The following MALRD1 variants were observed in gnomAD, a reference collection of about 807,000 sequenced individuals.
MALRD1 encodes MAM and LDL-receptor class A domain-containing protein 1.
MALRD1 carries 247 observed loss-of-function variants against 242.1 expected under a neutral mutation model. The ratio of observed to expected loss-of-function variants is 1.02; its 90% CI spans 0.92 to 1.13. The LOEUF (loss-of-function observed/expected upper bound fraction) is 1.13, where lower values mean the gene tolerates loss of function less well. Among genes scored for constraint, MALRD1 ranks in the 50% most tolerant of loss-of-function variants. The pLI, the probability that MALRD1 is intolerant of heterozygous loss-of-function variation, is 0.00. For missense variants in MALRD1, 2,989 were observed against 2,533.1 expected (o/e 1.18, Z -3.86); for synonymous variants, 995 against 866.6 (o/e 1.15, Z -2.60).
intron 18 of MALRD1, among the ~76,000 whole-genome samples, chr10:19,238,713 A>C (rs571468452): frequency 8.0e-5 from 12 of 149,452 alleles, no homozygotes; most frequent in African/African-American, 2.5e-4. Context: ...TTTCCTATGG[A>C]TATATACCCA....
At chr10:19,528,223 G>A (rs1370470545) in intron 31 of MALRD1, among the ~76,000 whole-genome samples, 3 of 152,190 alleles carry the variant, frequency 2.0e-5, no homozygotes, top group African/African-American at 7.2e-5. Flanking sequence ...AACAGTCCAA[G>A]TTGCTTTCAT....
intron 36 of MALRD1, among the ~76,000 whole-genome samples, chr10:19,630,172 A>C (rs1025243710): frequency 1.3e-5 from 2 of 152,162 alleles, no homozygotes; most frequent in Admixed American, 1.3e-4. Context: ...CATCAGGGAA[A>C]AGAAGGAGAT....
intron 25 of MALRD1, among the ~76,000 whole-genome samples, chr10:19,348,426 G>T (rs1179315698): frequency 6.6e-6 from 1 of 151,818 alleles, no homozygotes. Flanking sequence ...CTCCAAGAAT[G>T]AATATTAGAG....
chr10:19,393,734 C>T (rs555746253), intron 28 of MALRD1, among the ~76,000 whole-genome samples: 4 of 151,628 alleles, frequency 2.6e-5, no homozygotes, highest in Non-Finnish European at 2.9e-5. Flanking sequence ...GGATTACAGG[C>T]GTGAGCCACC....
rs140267219 is a variant in MALRD1 at position 19,134,435 on chromosome 10, T to A, written c.1203+487T>A. 7.0e-3 allele frequency among the ~76,000 whole-genome samples: 1,067 copies of A among 152,308 alleles called. 10 individuals carry two copies. Among genetic ancestry groups the A allele is most frequent in the African/African-American group, 0.024 (1,010 of 41,568 alleles). On this transcript the variant is annotated intron_variant, in intron 9 of 39. Coordinates refer to ENST00000454679, the MANE Select transcript of MALRD1 (RefSeq NM_001142308.3). ...AATTGATATTTTGTGTTGTATTAGGTTGGTGCAAATGTAATTGCAGCTTTT... is the reference window on the plus strand; with the variant it reads ...AATTGATATTTTGTGTTGTATTAGGATGGTGCAAATGTAATTGCAGCTTTT...
chr10:19,399,188 C>T (rs1407205096), intron 28 of MALRD1, among the ~76,000 whole-genome samples: 1 of 152,164 alleles, frequency 6.6e-6, no homozygotes, highest in Non-Finnish European at 1.5e-5. Flanking sequence ...GGTTCAACTG[C>T]TGTGCACACA....
intron 31 of MALRD1, among the ~76,000 whole-genome samples, chr10:19,530,402 T>TTATATAA (rs1834326228): frequency 1.5e-4 from 5 of 32,572 alleles, no homozygotes; most frequent in South Asian, 8.0e-4. Flanking sequence ...ATATAAATAT[T>TTATATAA]ATATATTTAT....
At chr10:19,122,595 A>T (rs901187848) in intron 5 of MALRD1, among the ~76,000 whole-genome samples, 1 of 152,106 alleles carries the variant, frequency 6.6e-6, no homozygotes, top group African/African-American at 2.4e-5. Flanking sequence ...GCCATTTGAC[A>T]TGAGAGTCAA....
intron 28 of MALRD1, among the ~76,000 whole-genome samples, chr10:19,423,326 T>C (rs1833783337): frequency 6.6e-6 from 1 of 152,056 alleles, no homozygotes; most frequent in South Asian, 2.1e-4. Flanking sequence ...TGAACAAATA[T>C]TATAATGATG....
At chr10:19,137,609 A>G (rs1298970893) in intron 10 of MALRD1, among the ~76,000 whole-genome samples, 2 of 75,818 alleles carry the variant, frequency 2.6e-5, no homozygotes, top group Non-Finnish European at 3.6e-5. Flanking sequence ...CTCCGTCTGA[A>G]AAAAAAAAAA....
At chr10:19,536,844 A>G (rs1409074828) in intron 32 of MALRD1, among the ~76,000 whole-genome samples, 1 of 152,204 alleles carries the variant, frequency 6.6e-6, no homozygotes, top group Non-Finnish European at 1.5e-5. Flanking sequence ...CATTTGTCAT[A>G]CAGCACTGGA....
At chr10:19,474,957 A>G (rs1181449849) in intron 29 of MALRD1, among the ~76,000 whole-genome samples, 2 of 152,198 alleles carry the variant, frequency 1.3e-5, no homozygotes, top group East Asian at 1.9e-4. Context: ...AAAATTTTGC[A>G]TTCATTAGTT....
intron 32 of MALRD1, among the ~76,000 whole-genome samples, chr10:19,563,267 T>G (rs1478104622): frequency 6.6e-6 from 1 of 152,228 alleles, no homozygotes; most frequent in African/African-American, 2.4e-5. Flanking sequence ...GCATTGTTGT[T>G]ATGTCCATCC....
chr10:19,150,444 G>A (rs984673310), intron 11 of MALRD1, among the ~76,000 whole-genome samples: 10 of 152,122 alleles, frequency 6.6e-5, no homozygotes, highest in Non-Finnish European at 2.9e-5. Flanking sequence ...CAAAGCTCCA[G>A]TACCTGAAAG....
At chr10:19,435,175 G>A (rs3864824) in intron 28 of MALRD1, among the ~76,000 whole-genome samples, 8,809 of 150,866 alleles carry the variant, frequency 0.058, 821 homozygotes, top group African/African-American at 0.2. Flanking sequence ...TATAGAGAGA[G>A]CAGCTTTGCA....
At chr10:19,588,321 T>A (rs753208913) in intron 33 of MALRD1, among the ~76,000 whole-genome samples, 9 of 152,210 alleles carry the variant, frequency 5.9e-5, no homozygotes, top group Non-Finnish European at 1.3e-4. Context: ...ACCACTGATT[T>A]ATTATTCATC....
intron 31 of MALRD1, among the ~76,000 whole-genome samples, chr10:19,522,456 C>T (rs1038100590): frequency 1.3e-5 from 2 of 152,032 alleles, no homozygotes; most frequent in African/African-American, 4.8e-5. Context: ...GTAACATTTC[C>T]TCTGGTATCC....
chr10:19,125,409 GCTTC>G (rs1380642338), intron 7 of MALRD1, among the ~76,000 whole-genome samples: 7 of 111,998 alleles, frequency 6.3e-5, no homozygotes, highest in Admixed American at 9.9e-5. Flanking sequence ...TTCCATCCAT[GCTTC>G]CTTCCTTCCT....
chr10:19,329,414 C>CT (rs1026840880), intron 23 of MALRD1, among the ~76,000 whole-genome samples: 108 of 87,690 alleles, frequency 1.2e-3, no homozygotes, highest in African/African-American at 5.2e-3. Flanking sequence ...TATTTGGGAC[C>CT]CCCCCCCAAT....
Sources: gnomAD v4.1 joint callset for allele counts (sites outside exome capture counted in the v4.1 genomes callset) on GRCh38, gnomAD v4.1.1 for gene constraint, MANE v1.5 for transcripts, NCBI Gene and HGNC (gene_info 2026-07-23, HGNC 2026-07-21) for gene names.